The following METTL8 variants were observed in gnomAD, a reference collection of about 807,000 sequenced individuals.
The protein encoded by METTL8 is tRNA N(3)-cytidine methyltransferase METTL8, mitochondrial.
METTL8 carries 32 observed loss-of-function variants against 48.7 expected under a neutral mutation model. That is an observed-to-expected ratio of 0.66 (90% confidence interval 0.50 to 0.88). The LOEUF is 0.88. Among genes scored for constraint, METTL8 ranks in the 40% least tolerant of loss-of-function variants. The probability of loss-of-function intolerance (pLI) is 0.00; values close to 1 mark genes in which losing one functional copy is unlikely to be tolerated. For synonymous variants in METTL8, 136 were observed against 157.1 expected, an observed-to-expected ratio of 0.87 and a Z score of 1.01; for missense variants, 464 against 474.4, an observed-to-expected ratio of 0.98 and a Z score of 0.20.
At chr2:171,400,276 T>A (rs1472109210) in intron 1 of METTL8, among the ~76,000 whole-genome samples, 1 of 152,168 alleles carries the variant, frequency 6.6e-6, no homozygotes, top group East Asian at 1.9e-4. Flanking sequence ...CCTTTTTGGA[T>A]GTTTTTGTTT....
intron 1 of METTL8, among the ~76,000 whole-genome samples, chr2:171,412,377 C>T (rs1052182351): frequency 6.6e-6 from 1 of 152,186 alleles, no homozygotes; most frequent in Admixed American, 6.5e-5. Context: ...AACTTATCCA[C>T]AACTTCCCAG....
intron 2 of METTL8, among the ~76,000 whole-genome samples, chr2:171,385,468 C>T (rs1473871367): frequency 1.3e-5 from 2 of 152,022 alleles, no homozygotes; most frequent in Non-Finnish European, 2.9e-5. Flanking sequence ...AACCAGGTTT[C>T]GTTTAATTTA....
intron 2 of METTL8, among the ~76,000 whole-genome samples, chr2:171,384,994 TA>T (rs1687910747): frequency 6.6e-6 from 1 of 151,668 alleles, no homozygotes. Context: ...TAAAAAAAAA[TA>T]TGGTCATATA....
At chr2:171,412,999 A>G (rs1004307231) in intron 1 of METTL8, among the ~76,000 whole-genome samples, 2 of 152,246 alleles carry the variant, frequency 1.3e-5, no homozygotes, top group East Asian at 1.9e-4. Context: ...TTGGCACTAT[A>G]AAATGAAATG....
At chr2:171,330,914 C>T (rs1258933332) in intron 6 of METTL8, among the ~76,000 whole-genome samples, 3 of 152,128 alleles carry the variant, frequency 2.0e-5, no homozygotes, top group African/African-American at 2.4e-5. Flanking sequence ...AAATATCCTT[C>T]GCAATCCCTC....
At chr2:171,434,407 CCTCGCCCCG>C, upstream of METTL8, 1 of 1,179,948 alleles carries the variant, frequency 8.5e-7, no homozygotes, top group East Asian at 2.6e-5. Flanking sequence ...CTCTGCTTTC[CCTCGCCCCG>C]CCGTCGGGTG....
chr2:171,430,159 A>C (rs976120009), intron 1 of METTL8, among the ~76,000 whole-genome samples: 1 of 152,144 alleles, frequency 6.6e-6, no homozygotes, highest in Admixed American at 6.5e-5. Context: ...GGAGTTCACA[A>C]CCAGCCTGGC....
intron 3 of METTL8, among the ~76,000 whole-genome samples, chr2:171,355,508 C>T (rs996346834): frequency 3.9e-5 from 6 of 152,204 alleles, no homozygotes; most frequent in Admixed American, 6.5e-5. Context: ...CAGACAGCGA[C>T]GATTAAGTCT....
chr2:171,401,877 T>G (rs1689683393), intron 1 of METTL8, among the ~76,000 whole-genome samples: 1 of 152,176 alleles, frequency 6.6e-6, no homozygotes, highest in Admixed American at 6.6e-5. Flanking sequence ...AATCCTTTTG[T>G]ATTTTAGCCA....
intron 1 of METTL8, chr2:171,433,271 A>C (rs1693328015): frequency 6.6e-6 from 1 of 151,936 alleles, no homozygotes; most frequent in Non-Finnish European, 1.5e-5. Context: ...CCACACAAAC[A>C]GTAGCCCCGG....
intron 2 of METTL8, among the ~76,000 whole-genome samples, chr2:171,382,133 G>GA (rs1359648363): frequency 6.6e-6 from 1 of 152,092 alleles, no homozygotes; most frequent in African/African-American, 2.4e-5. Flanking sequence ...AACCATTGTG[G>GA]AAAACAGTGT....
rs1281738238 is a variant in METTL8 at position 171,366,456 on chromosome 2, T to C, written c.144-5943A>G. On this transcript the variant is annotated intron_variant, in intron 2 of 9. Transcript: ENST00000375258. ...GGAAGGCAACATAATCCAGACTGCA[T>C]AGAAGATATTATCCATAATGTCCAC... is the stretch of plus-strand genomic sequence containing the variant. Among the ~76,000 whole-genome samples, 3 of 152,158 alleles carry C rather than the reference T, an allele frequency of 2.0e-5. No individual in the cohort carries two copies. In the East Asian group the frequency reaches 5.8e-4, roughly 29 times the overall value.
At position 171,331,801 on chromosome 2, in the gene METTL8, T is replaced by A. The variant is rs377633030; in HGVS notation, c.720+3A>T. ...GTTGGTATGATTCCCAGGAGTAGCA[T>A]ACCTTTACGAGCTCCACAGCTCCAG... is the stretch of plus-strand genomic sequence containing the variant. On this transcript the variant is annotated splice_donor_region_variant and intron_variant, in intron 6 of 9. Transcript: ENST00000375258. 1 of 1,600,714 alleles carries A rather than the reference T, an allele frequency of 6.2e-7. No homozygotes were observed. Among genetic ancestry groups the A allele is most frequent in the Admixed American group, 1.7e-5 (1 of 58,458 alleles).
intron 5 of METTL8, among the ~76,000 whole-genome samples, chr2:171,335,549 C>T (rs538148552): frequency 4.6e-5 from 7 of 152,014 alleles, no homozygotes; most frequent in Non-Finnish European, 2.9e-5. Flanking sequence ...CTCAGCCTCC[C>T]GAGTAGCTAG....
intron 3 of METTL8, among the ~76,000 whole-genome samples, chr2:171,346,235 C>T (rs1487881353): frequency 6.6e-6 from 1 of 152,142 alleles, no homozygotes; most frequent in Non-Finnish European, 1.5e-5. Flanking sequence ...GACTGTTGCT[C>T]AGGCTGGTCT....
intron 3 of METTL8, among the ~76,000 whole-genome samples, chr2:171,349,128 T>C (rs1683604221): frequency 3.3e-5 from 5 of 152,220 alleles, no homozygotes; most frequent in South Asian, 4.1e-4. Flanking sequence ...ATTAACTACA[T>C]ACCAATTAAA....
chr2:171,427,106 T>C (rs1692494045), intron 1 of METTL8, among the ~76,000 whole-genome samples: 1 of 152,252 alleles, frequency 6.6e-6, no homozygotes, highest in South Asian at 2.1e-4. Flanking sequence ...TGGGAATATT[T>C]ATCGTGGTTC....
chr2:171,369,289 G>C (rs1338452811), intron 2 of METTL8, among the ~76,000 whole-genome samples: 2 of 152,106 alleles, frequency 1.3e-5, no homozygotes, highest in African/African-American at 4.8e-5. Context: ...CTGGGCAAGA[G>C]AGCGAGACTC....
At chr2:171,353,212 T>C (rs1233394949) in intron 3 of METTL8, among the ~76,000 whole-genome samples, 1 of 152,250 alleles carries the variant, frequency 6.6e-6, no homozygotes, top group Non-Finnish European at 1.5e-5. Flanking sequence ...ATTTCTGCCT[T>C]CATTTCATTA....
Sources: gnomAD v4.1 joint callset for allele counts (sites outside exome capture counted in the v4.1 genomes callset) on GRCh38, gnomAD v4.1.1 for gene constraint, MANE v1.5 for transcripts, NCBI Gene and HGNC (gene_info 2026-07-23, HGNC 2026-07-21) for gene names.